Variants in KIF3B observed in about 807,000 individuals in gnomAD.
KIF3B encodes kinesin family member 3B.
In KIF3B, 38 loss-of-function variants were observed where a neutral mutation model predicts 74.3. That is an observed-to-expected ratio of 0.51 (90% CI 0.39 to 0.67). The LOEUF (loss-of-function observed/expected upper bound fraction) is 0.67. Ranked by LOEUF, KIF3B falls within the 30% of genes least tolerant of loss-of-function variation. KIF3B has a pLI of 0.00. For synonymous variants in KIF3B, 326 were observed against 342.5 expected (o/e 0.95, Z 0.53); for missense variants, 649 against 932.0 (o/e 0.70, Z 3.95).
chr20:32,303,513 C>G (rs35459003), intron 1 of KIF3B, among the ~76,000 whole-genome samples: 2 of 150,116 alleles, frequency 1.3e-5, no homozygotes, highest in Non-Finnish European at 3.0e-5. Context: ...TGCAGTGGGC[C>G]GAGATCATGC....
chr20:32,324,935 G>A (rs1600438871), intron 5 of KIF3B, among the ~76,000 whole-genome samples: 2 of 152,132 alleles, frequency 1.3e-5, no homozygotes, highest in Non-Finnish European at 2.9e-5. Flanking sequence ...GGGGGCTGAG[G>A]CACGAGAATC....
chr20:32,277,969 G>A (rs2047624515), intron 1 of KIF3B, among the ~76,000 whole-genome samples: 1 of 152,224 alleles, frequency 6.6e-6, no homozygotes, highest in Non-Finnish European at 1.5e-5. Context: ...CCGACCCCCA[G>A]ACACGGCCAC....
intron 1 of KIF3B, among the ~76,000 whole-genome samples, chr20:32,281,496 T>C (rs1033833900): frequency 6.6e-6 from 1 of 152,216 alleles, no homozygotes; most frequent in African/African-American, 2.4e-5. Flanking sequence ...AATACAGCAG[T>C]AAATGAACAA....
chr20:32,329,648 G>C lies in KIF3B; in HGVS notation c.1969-493G>C, dbSNP rs556158509. On this transcript the variant is annotated intron_variant, in intron 7 of 8. Transcript: ENST00000375712. The stretch of plus-strand genomic sequence containing the variant: ...TGAACTAGGATACACAACGTATTAA[G>C]TTATAGAGTAATTTACACCAGAAGT... Among the ~76,000 whole-genome samples the C allele has an allele frequency of 1.6e-4, 25 of 152,240 alleles. No individual in the cohort carries two copies. In the East Asian group the frequency reaches 4.8e-3, roughly 29 times the overall value.
chr20:32,285,629 C>G (rs545295607), intron 1 of KIF3B, among the ~76,000 whole-genome samples: 1 of 152,188 alleles, frequency 6.6e-6, no homozygotes, highest in African/African-American at 2.4e-5. Context: ...GCAAGTGACT[C>G]AACCTCTCTA....
At chr20:32,285,110 A>AC (rs1289969434) in intron 1 of KIF3B, among the ~76,000 whole-genome samples, 2 of 152,024 alleles carry the variant, frequency 1.3e-5, no homozygotes, top group Admixed American at 1.3e-4. Context: ...AAAAAAAAAA[A>AC]AAAAAACAGT....
At chr20:32,303,173 G>A (rs1027898160) in intron 1 of KIF3B, among the ~76,000 whole-genome samples, 3 of 152,082 alleles carry the variant, frequency 2.0e-5, no homozygotes, top group Non-Finnish European at 4.4e-5. Context: ...TTCTTTACAC[G>A]GCTTGAGATT....
At chr20:32,282,230 C>T (rs6057556) in intron 1 of KIF3B, among the ~76,000 whole-genome samples, 4,685 of 151,808 alleles carry the variant, frequency 0.031, 267 homozygotes, top group African/African-American at 0.11. Flanking sequence ...GGTAAGAGGA[C>T]GGATTGGGGA....
intron 1 of KIF3B, among the ~76,000 whole-genome samples, chr20:32,285,099 C>CAAAAAAAAAAA (rs11480924): frequency 2.0e-5 from 2 of 102,490 alleles, no homozygotes; most frequent in Non-Finnish European, 4.1e-5. Flanking sequence ...AAATGATGAC[C>CAAAAAAAAAAA]AAAAAAAAAA....
chr20:32,316,524 C>G lies in KIF3B; in HGVS notation c.1507-3C>G. ...AGCTGATGAATTTTGTCATGTTGCT[C>G]AGAAACGTCGAGAAAGAGAAATCCA... On this transcript the variant is annotated splice_polypyrimidine_tract_variant and splice_region_variant and intron_variant, in intron 3 of 8. Coordinates refer to ENST00000375712, the MANE Select transcript of KIF3B (RefSeq NM_004798.4). The G allele has an allele frequency of 6.2e-7, 1 of 1,613,712 alleles. No individual in the cohort carries two copies. The highest frequency in any genetic ancestry group is 8.5e-7 in the Non-Finnish European group (1 of 1,179,898).
At chr20:32,281,455 C>G (rs1226199102) in intron 1 of KIF3B, among the ~76,000 whole-genome samples, 1 of 152,234 alleles carries the variant, frequency 6.6e-6, no homozygotes, top group East Asian at 1.9e-4. Flanking sequence ...TGCTCTCATG[C>G]AGCTTATATT....
At chr20:32,281,032 G>C (rs570230054) in intron 1 of KIF3B, among the ~76,000 whole-genome samples, 1 of 152,174 alleles carries the variant, frequency 6.6e-6, no homozygotes, top group Non-Finnish European at 1.5e-5. Flanking sequence ...ACCTCAGATT[G>C]CTTCCTAAGC....
chr20:32,322,091 A>G (rs1370329698), intron 5 of KIF3B, among the ~76,000 whole-genome samples: 3 of 152,136 alleles, frequency 2.0e-5, no homozygotes, highest in African/African-American at 7.2e-5. Flanking sequence ...CTGTAGATCA[A>G]TTTGGGCAAT....
intron 1 of KIF3B, among the ~76,000 whole-genome samples, chr20:32,292,846 C>A (rs950358308): frequency 6.6e-6 from 1 of 152,226 alleles, no homozygotes; most frequent in Non-Finnish European, 1.5e-5. Context: ...ATCCTACCAA[C>A]TACTCCCACT....
At chr20:32,306,792 A>T (rs2047774037) in intron 1 of KIF3B, among the ~76,000 whole-genome samples, 1 of 151,698 alleles carries the variant, frequency 6.6e-6, no homozygotes, top group African/African-American at 2.4e-5. Flanking sequence ...ACGGGGTTTC[A>T]CCATGTTGGC....
chr20:32,321,854 A>G (rs2047861327), intron 5 of KIF3B, among the ~76,000 whole-genome samples: 1 of 152,206 alleles, frequency 6.6e-6, no homozygotes. Flanking sequence ...TTTGTAGACA[A>G]AATGGTATTA....
rs184105165 is a variant in KIF3B, at chr20:32,317,855, G to A, written c.1748+981G>A. On this transcript the variant is annotated intron_variant, in intron 5 of 8. Transcript: ENST00000375712. ...AGAGTCTCTCTATGTTACCTAAGCT[G>A]ATCTCAAACTCCTAGGCTCAAGCAA... Among the ~76,000 whole-genome samples the A allele has an allele frequency of 1.3e-3, 202 of 152,110 alleles. 1 individual carries two copies. Among genetic ancestry groups the A allele is most frequent in the African/African-American group, 4.5e-3 (186 of 41,500 alleles).
At position 32,277,684 on chromosome 20, in the gene KIF3B, G is replaced by A. The variant is rs960317183; in HGVS notation, c.-147G>A. The A allele has an allele frequency of 3.6e-5, 9 of 253,414 alleles. No individual in the cohort carries two copies. Among genetic ancestry groups the A allele is most frequent in the Non-Finnish European group, 5.8e-5 (8 of 138,496 alleles). The allele number at this position is 253,414 out of a possible 1,614,324, so 15.7% of individuals were successfully genotyped here. On this transcript the variant is annotated 5_prime_UTR_variant, in exon 1 of 9. Coordinates refer to ENST00000375712, the MANE Select transcript of KIF3B (RefSeq NM_004798.4). ...TCCCCATCCGGGGCAGCGGGGAATG[G>A]CTGAGCCAGGGGTTCGCCGCCCCCG... is the stretch of plus-strand genomic sequence containing the variant.
chr20:32,313,214 C>T (rs1263492974), intron 2 of KIF3B, among the ~76,000 whole-genome samples: 1 of 152,122 alleles, frequency 6.6e-6, no homozygotes, highest in African/African-American at 2.4e-5. Flanking sequence ...TGCCTGGACT[C>T]TGAGCTTCCA....
Sources: allele counts gnomAD v4.1 joint callset (sites outside exome capture counted in the v4.1 genomes callset), GRCh38; gene constraint gnomAD v4.1.1; transcripts MANE v1.5; gene names NCBI Gene and HGNC (gene_info 2026-07-23, HGNC 2026-07-21).